HMCN1: variants seen among roughly 807,000 people sequenced by gnomAD.
HMCN1 encodes hemicentin 1, also known as hemicentin-1.
In HMCN1, 321 loss-of-function variants were observed where a neutral mutation model predicts 625.9. The ratio of observed to expected loss-of-function variants is 0.51; its 90% CI spans 0.47 to 0.56. The LOEUF (loss-of-function observed/expected upper bound fraction) is 0.56, where lower values mean the gene tolerates loss of function less well. HMCN1 is among the 20% of genes least tolerant of loss of function. The probability of loss-of-function intolerance (pLI) is 0.00; values close to 1 mark genes in which losing one functional copy is unlikely to be tolerated. For synonymous variants in HMCN1, 2,425 were observed against 2,417.6 expected (o/e 1.00, Z -0.09); for missense variants, 6,588 against 6,887.3 (o/e 0.96, Z 1.54).
At chr1:186,049,745 TAA>T (rs1035010028) in intron 42 of HMCN1, among the ~76,000 whole-genome samples, 3 of 151,986 alleles carry the variant, frequency 2.0e-5, no homozygotes, top group Non-Finnish European at 4.4e-5. Context: ...TAAATAAAAA[TAA>T]AACTAGATGA....
chr1:186,036,390 A>G (rs1005316910), intron 36 of HMCN1, among the ~76,000 whole-genome samples: 3 of 152,090 alleles, frequency 2.0e-5, no homozygotes, highest in Non-Finnish European at 4.4e-5. Flanking sequence ...ATGGTGGCAG[A>G]CAAGAGAAGA....
Position 186,087,490 on chromosome 1 carries a change from A to T in HMCN1, c.9208A>T (p.Asn3070Tyr), listed in dbSNP as rs1659570929. ...DHDSESLSVV[N>Y]VREGTSVSLE... ...TGACAGTGAATCTCTTTCTGTAGTT[A>T]ATGTAAGAGAGGGAACTTCTGTGTC... The change falls in exon 60 of 107, where the codon AAT becomes TAT. Residue 3070 changes from asparagine (N) to tyrosine (Y), a missense_variant. Asn to Tyr is a moderately radical substitution (Grantham distance 143). This residue lies in a region of HMCN1 where 4,628 missense variants were observed against 4,853.1 expected (regional missense o/e 0.95). Transcript: ENST00000271588. The T allele has an allele frequency of 6.2e-7, 1 of 1,613,272 alleles. No homozygotes were observed. Among genetic ancestry groups the T allele is most frequent in the Non-Finnish European group, 8.5e-7 (1 of 1,179,498 alleles).
Position 185,800,276 on chromosome 1 carries a change from A to G in HMCN1, c.269-45750A>G, listed in dbSNP as rs186001083. ...CTCTTTGCTTTCAGTGCTTCCCTTC[A>G]CTTCTCTGTTGGATTCCAGTGTTCT... On this transcript the variant is annotated intron_variant, in intron 1 of 106. Transcript: ENST00000271588. Among the ~76,000 whole-genome samples the G allele has an allele frequency of 4.0e-5, 6 of 151,130 alleles. No individual in the cohort carries two copies. The East Asian group carries it at 9.7e-4, about 25-fold the overall frequency.
In HMCN1 at chr1:185,794,569, G is replaced by T. The variant is rs561401953; in HGVS notation, c.269-51457G>T. 3.8e-4 allele frequency among the ~76,000 whole-genome samples: 58 copies of T among 151,076 alleles called. 1 individual carries two copies. Among genetic ancestry groups the T allele is most frequent in the African/African-American group, 1.4e-3 (58 of 41,234 alleles). On this transcript the variant is annotated intron_variant, in intron 1 of 106. Transcript: ENST00000271588. ...CATCCAGTACGGGAGAAAGATGTAG[G>T]CTGGGAGGCTAAGCCAGTTTAGTCT...
At chr1:185,763,784 C>T (rs2102128543) in intron 1 of HMCN1, among the ~76,000 whole-genome samples, 1 of 152,294 alleles carries the variant, frequency 6.6e-6, no homozygotes, top group African/African-American at 2.4e-5. Flanking sequence ...CTGTAAATCA[C>T]CTGAAGTCAC....
At chr1:185,945,157 T>A (rs1241736498) in intron 11 of HMCN1, among the ~76,000 whole-genome samples, 1 of 152,210 alleles carries the variant, frequency 6.6e-6, no homozygotes, top group African/African-American at 2.4e-5. Flanking sequence ...ATTTATTTAC[T>A]GCATCTGAAG....
intron 4 of HMCN1, among the ~76,000 whole-genome samples, chr1:185,868,474 G>A (rs984840441): frequency 7.2e-5 from 11 of 152,064 alleles, no homozygotes; most frequent in African/African-American, 2.4e-4. Flanking sequence ...TCATGATAGT[G>A]AGTGAGCTCT....
intron 57 of HMCN1, among the ~76,000 whole-genome samples, chr1:186,084,943 T>G (rs900254196): frequency 3.9e-5 from 6 of 152,170 alleles, no homozygotes; most frequent in African/African-American, 9.7e-5. Context: ...TTGCAAATGC[T>G]GCACCAGGAT....
At chr1:185,954,630 C>A (rs888535476) in intron 11 of HMCN1, among the ~76,000 whole-genome samples, 15 of 151,824 alleles carry the variant, frequency 9.9e-5, no homozygotes, top group Admixed American at 9.8e-4. Flanking sequence ...AATGTATGAC[C>A]CCACTTAAAA....
chr1:185,903,984 A>G (rs935491728), intron 4 of HMCN1, among the ~76,000 whole-genome samples: 1 of 151,796 alleles, frequency 6.6e-6, no homozygotes, highest in African/African-American at 2.4e-5. Flanking sequence ...GAGCCATTAT[A>G]TATTGATGTT....
rs1294443559 is a variant in HMCN1, at chr1:186,037,993, C to T, written c.5809C>T (p.Pro1937Ser). ...GAATGAGACTGTGTTGGTGAGCAAC[C>T]CTGTACAGCTGGAGTGTAAGGCAGC... ...MLNETVLVSNPVQLECKAAGN... is the reference protein window; with the variant it reads ...MLNETVLVSNSVQLECKAAGN... Residue 1937 changes from proline (P) to serine (S), a missense_variant, in exon 37 of 107, where the codon CCT becomes TCT. Pro to Ser is a moderately conservative substitution (Grantham distance 74). Transcript: ENST00000271588. 3.7e-6 allele frequency: 6 copies of T among 1,612,908 alleles called. No homozygotes were observed. The African/African-American group carries it at 6.7e-5, about 18-fold the overall frequency.
chr1:185,871,598 T>G (rs1317824762), intron 4 of HMCN1, among the ~76,000 whole-genome samples: 1 of 152,204 alleles, frequency 6.6e-6, no homozygotes, highest in Non-Finnish European at 1.5e-5. Flanking sequence ...TACTAGGTTT[T>G]TCAAAGGAAA....
chr1:185,787,800 CA>C (rs1162535963), intron 1 of HMCN1, among the ~76,000 whole-genome samples: 4 of 152,126 alleles, frequency 2.6e-5, no homozygotes, highest in Non-Finnish European at 5.9e-5. Context: ...TTTTATGATA[CA>C]TTTTTTCTAT....
At chr1:186,120,598 C>A (rs1558238616) in intron 80 of HMCN1, among the ~76,000 whole-genome samples, 1 of 152,114 alleles carries the variant, frequency 6.6e-6, no homozygotes, top group Non-Finnish European at 1.5e-5. Context: ...CTGATATTTT[C>A]TTGATAGAAT....
chr1:186,025,028 G>C (rs1654971634), intron 36 of HMCN1, among the ~76,000 whole-genome samples: 1 of 152,158 alleles, frequency 6.6e-6, no homozygotes. Context: ...GAAGCCCTGA[G>C]CTTGTTTTTC....
At chr1:186,177,885 CT>C (rs537410274) in intron 103 of HMCN1, among the ~76,000 whole-genome samples, 37 of 148,448 alleles carry the variant, frequency 2.5e-4, no homozygotes, top group South Asian at 4.3e-4. Flanking sequence ...TCTCTTGTAC[CT>C]TTTTTTTTTC....
intron 29 of HMCN1, among the ~76,000 whole-genome samples, chr1:186,006,405 TG>T (rs1653637005): frequency 6.6e-6 from 1 of 152,122 alleles, no homozygotes; most frequent in Non-Finnish European, 1.5e-5. Flanking sequence ...TTTAAAGGTA[TG>T]AGTCTTAGGA....
chr1:185,994,924 CAAAGGTGGAAG>C lies in HMCN1; in HGVS notation c.3616_3626del (p.Lys1206HisfsTer5). 1 of 1,613,822 alleles carries C rather than the reference CAAAGGTGGAAG, an allele frequency of 6.2e-7. No homozygotes were observed. Among genetic ancestry groups the C allele is most frequent in the Admixed American group, 1.7e-5 (1 of 59,968 alleles). On this transcript the variant is annotated frameshift_variant, in exon 24 of 107. Coordinates refer to ENST00000271588, the MANE Select transcript of HMCN1 (RefSeq NM_031935.3). LOFTEE classifies it high-confidence loss of function. ...CTCCTCTTCCTGTAATCACCTGGTC[CAAAGGTGGAAG>C]CACTATGCTGGTTGATGGAGAGCAC...
chr1:185,939,474 A>G (rs1426933812), intron 11 of HMCN1, among the ~76,000 whole-genome samples: 2 of 152,242 alleles, frequency 1.3e-5, no homozygotes, highest in Non-Finnish European at 2.9e-5. Flanking sequence ...AAACGTGTAC[A>G]TGATTGTTTG....
Sources: allele counts gnomAD v4.1 joint callset (sites outside exome capture counted in the v4.1 genomes callset), GRCh38; gene constraint gnomAD v4.1.1; regional missense constraint gnomAD v4.1.1; transcripts MANE v1.5; gene names NCBI Gene and HGNC (gene_info 2026-07-23, HGNC 2026-07-21).